Variants in KLC2 observed in about 807,000 individuals in gnomAD.
KLC2 encodes the protein KLC 2.
A neutral mutation model predicts 75.1 loss-of-function variants in KLC2; 35 were observed. The ratio of observed to expected loss-of-function variants is 0.47; its 90% CI spans 0.36 to 0.62. The LOEUF is 0.62. Ranked by LOEUF, KLC2 falls within the 20% of genes least tolerant of loss-of-function variation. The probability of loss-of-function intolerance (pLI) is 0.00; values close to 1 mark genes in which losing one functional copy is unlikely to be tolerated. For synonymous variants in KLC2, 314 were observed against 336.7 expected, an observed-to-expected ratio of 0.93 and a Z score of 0.74; for missense variants, 611 against 833.2, an observed-to-expected ratio of 0.73 and a Z score of 3.28.
At chr11:66,265,443 C>G in intron 11 of KLC2, 1 of 664,516 alleles carries the variant, frequency 1.5e-6, no homozygotes, top group East Asian at 2.8e-5. Context: ...GTGACAACAT[C>G]CCATGAGGGC....
chr11:66,248,249 CCTTA>C, the KLC2 span, among the ~76,000 whole-genome samples: 1 of 152,076 alleles, frequency 6.6e-6, no homozygotes, highest in Non-Finnish European at 1.5e-5. Context: ...TGCCAGTTTC[CCTTA>C]CTGTTAACAT....
chr11:66,245,101 G>C, the KLC2 span: 7 of 152,426 alleles, frequency 4.6e-5, no homozygotes, highest in South Asian at 1.2e-3. Context: ...CGAGCCAGTG[G>C]GGTCTTTGCC....
rs1354967980 is a variant in KLC2 at position 66,267,735 on chromosome 11, C to T, written c.*779C>T. 11 of 472,884 alleles carry T rather than the reference C, an allele frequency of 2.3e-5. No homozygotes were observed. The highest frequency in any genetic ancestry group is 2.0e-5 in the African/African-American group (1 of 48,858). The allele number at this position is 472,884 out of a possible 1,614,324, so 29.3% of individuals were successfully genotyped here. A position where few individuals can be genotyped will look rare whatever the true frequency, so the allele number is the denominator to read the frequency against. ...CATCCTGCCTCGCCTCCCCCCACGC[C>T]TGCAGCTTCTCGCGAGGGGCGGCGA... On this transcript the variant is annotated 3_prime_UTR_variant, in exon 16 of 16. Transcript: ENST00000394067.
At chr11:66,252,355 G>A (rs986998070), upstream of KLC2, among the ~76,000 whole-genome samples, 105 of 152,172 alleles carry the variant, frequency 6.9e-4, no homozygotes, top group African/African-American at 2.2e-3. Context: ...GCGCGATCTC[G>A]GCTCACCGCA....
At chr11:66,250,200 A>G in the KLC2 span, among the ~76,000 whole-genome samples, 1 of 152,106 alleles carries the variant, frequency 6.6e-6, no homozygotes, top group Non-Finnish European at 1.5e-5. Context: ...CTGTCTCTTC[A>G]GTCATAGAGT....
chr11:66,251,772 C>CA, the KLC2 span, among the ~76,000 whole-genome samples: 1 of 151,980 alleles, frequency 6.6e-6, no homozygotes, highest in Non-Finnish European at 1.5e-5. Context: ...AACTCCATCT[C>CA]AAAAAAAAGA....
rs1856926508 is a variant in KLC2, at chr11:66,267,542, G to C, written c.*586G>C. On this transcript the variant is annotated 3_prime_UTR_variant, in exon 16 of 16. Coordinates refer to ENST00000394067, the MANE Select transcript of KLC2 (RefSeq NM_001318734.2). ...TTCTCGCGCTCCTCCTGGCCTCTGAGGGATGCGTCCTACCCGCGCCATCGC... is the reference window on the plus strand; with the variant it reads ...TTCTCGCGCTCCTCCTGGCCTCTGACGGATGCGTCCTACCCGCGCCATCGC... The C allele has an allele frequency of 1.5e-6, 1 of 650,000 alleles. No individual in the cohort carries two copies. The allele number at this position is 650,000 out of a possible 1,614,324, so 40.3% of individuals were successfully genotyped here.
chr11:66,265,916 G>A lies in KLC2; in HGVS notation c.1506G>A (p.Arg502=). The change falls in exon 13 of 16, where the codon CGG becomes CGA. Residue 502 remains arginine, a synonymous_variant. Transcript: ENST00000394067. The stretch of plus-strand genomic sequence containing the variant: ...TGCTGAAAGATGGCAGTGGCAGGCG[G>A]GGAGACCGCCGCAGCAGCCGAGACA... ...VELLKDGSGR[R]GDRRSSRDMA... is the part of the protein sequence containing the mutation. 1.3e-6 allele frequency: 2 copies of A among 1,584,892 alleles called. No homozygotes were observed. The highest frequency in any genetic ancestry group is 1.1e-5 in the South Asian group (1 of 87,126).
At chr11:66,262,561 CTG>C in intron 4 of KLC2, 6 of 575,442 alleles carry the variant, frequency 1.0e-5, no homozygotes, top group Non-Finnish European at 1.9e-5. Flanking sequence ...GGCCTCCACT[CTG>C]TACACAGGGA....
At chr11:66,251,012 C>T in the KLC2 span, among the ~76,000 whole-genome samples, 4 of 152,116 alleles carry the variant, frequency 2.6e-5, no homozygotes, top group African/African-American at 7.3e-5. Flanking sequence ...GAAAGATCTC[C>T]TTAATACAAC....
intron 15 of KLC2, 130 bp downstream of exon 15, chr11:66,266,620 T>A: frequency 1.9e-6 from 2 of 1,076,918 alleles, no homozygotes; most frequent in South Asian, 2.6e-5. Context: ...TACTTTGGGC[T>A]GGACAACGGG....
Position 66,266,388 on chromosome 11 carries a change from G to GT in KLC2, c.1728-44dup, listed in dbSNP as rs775771049. 120 of 1,313,800 alleles carry GT rather than the reference G, an allele frequency of 9.1e-5. 2 individuals carry two copies. The South Asian group carries it at 1.5e-3, about 17-fold the overall frequency. The allele number at this position is 1,313,800 out of a possible 1,614,324, so 81.4% of individuals were successfully genotyped here. ...ACCCTTCTCCCTGCCCCCATCTCCC[G>GT]TGAGTTCCTCCTTGGGCAAATCCCA... On this transcript the variant is annotated intron_variant, in intron 14 of 15. Transcript: ENST00000394067.
At chr11:66,261,074 A>T (rs1856375216) in intron 2 of KLC2, 1 of 151,546 alleles carries the variant, frequency 6.6e-6, no homozygotes, top group Non-Finnish European at 1.5e-5. Flanking sequence ...AAAAAAAAAA[A>T]AAAAAAAGAG....
chr11:66,261,984 C>T lies in KLC2; in HGVS notation c.459+12C>T. 4 of 1,609,302 alleles carry T rather than the reference C, an allele frequency of 2.5e-6. No individual in the cohort carries two copies. In the East Asian group the frequency reaches 8.9e-5, roughly 36 times the overall value. On this transcript the variant is annotated intron_variant, in intron 3 of 15. Coordinates refer to ENST00000394067, the MANE Select transcript of KLC2 (RefSeq NM_001318734.2). The stretch of plus-strand genomic sequence containing the variant: ...ACGCCTCCCCTAACGTGAGCTCCTA[C>T]CATGGTCACTGTTGCCCAGCAAGGA...
chr11:66,255,726 A>G (rs1009009740), upstream of KLC2, among the ~76,000 whole-genome samples: 2 of 151,788 alleles, frequency 1.3e-5, no homozygotes, highest in African/African-American at 4.8e-5. Context: ...TCACAGAGAT[A>G]ACTACATTTC....
At position 66,265,677 on chromosome 11, in the gene KLC2, C is replaced by G; in HGVS notation, c.1357C>G (p.Arg453Gly). The G allele has an allele frequency of 6.2e-7, 1 of 1,613,620 alleles. No homozygotes were observed. Among genetic ancestry groups the G allele is most frequent in the African/African-American group, 1.3e-5 (1 of 75,032 alleles). ...VDSPTVNTTL[R>G]SLGALYRRQG... ...CAGCCCCACAGTCAACACCACCCTG[C>G]GCAGCTTGGGGGCCCTATACCGGCG... The change falls in exon 12 of 16, where the codon CGC becomes GGC. Residue 453 changes from arginine to glycine, a missense_variant. Physicochemically the swap from Arg to Gly is moderately radical, Grantham distance 125. Transcript: ENST00000394067.
intron 9 of KLC2, chr11:66,264,695 C>G (rs1262016148): frequency 3.4e-6 from 2 of 585,900 alleles, no homozygotes; most frequent in Non-Finnish European, 3.0e-6. Flanking sequence ...ACTGGCGATT[C>G]TTGCTCACCT....
At chr11:66,254,657 C>T (rs1462831502), upstream of KLC2, among the ~76,000 whole-genome samples, 1 of 91,920 alleles carries the variant, frequency 1.1e-5, no homozygotes, top group Non-Finnish European at 2.1e-5. Context: ...AGTGGGACCT[C>T]GGCTCTTAAA....
At chr11:66,255,160 T>TAG (rs1855993729), upstream of KLC2, among the ~76,000 whole-genome samples, 1 of 152,216 alleles carries the variant, frequency 6.6e-6, no homozygotes, top group Non-Finnish European at 1.5e-5. Flanking sequence ...GAGGCAGACT[T>TAG]ACCAAAATGC....
Sources: allele counts gnomAD v4.1 joint callset (sites outside exome capture counted in the v4.1 genomes callset), GRCh38; gene constraint gnomAD v4.1.1; transcripts MANE v1.5; gene names NCBI Gene and HGNC (gene_info 2026-07-23, HGNC 2026-07-21).